MBD5: variants seen among roughly 807,000 people sequenced by gnomAD.
MBD5 encodes methyl-CpG binding domain protein 5, also known as methyl-CpG-binding domain protein 5.
Under a neutral mutation model 117.3 loss-of-function variants are expected in MBD5, and 13 were observed. That is an observed-to-expected ratio of 0.11 (90% confidence interval 0.07 to 0.18). MBD5 has a LOEUF of 0.18. Among genes scored for constraint, MBD5 ranks in the 10% least tolerant of loss-of-function variants. MBD5 has a pLI of 1.00. For missense variants in MBD5, 1,879 were observed against 2,093.8 expected (o/e 0.90, Z 2.00); for synonymous variants, 727 against 766.4 (o/e 0.95, Z 0.85).
intron 4 of MBD5, among the ~76,000 whole-genome samples, chr2:148,449,878 A>G (rs564590603): frequency 2.0e-5 from 3 of 152,092 alleles, no homozygotes; most frequent in Non-Finnish European, 4.4e-5. Flanking sequence ...TTCCGTGATT[A>G]TAGAGCTAAT....
At chr2:148,342,565 T>C (rs1298120512) in intron 4 of MBD5, among the ~76,000 whole-genome samples, 1 of 151,972 alleles carries the variant, frequency 6.6e-6, no homozygotes, top group Non-Finnish European at 1.5e-5. Flanking sequence ...AAAATATAGT[T>C]ATCCTACCAC....
intron 4 of MBD5, among the ~76,000 whole-genome samples, chr2:148,370,421 C>T (rs1409005607): frequency 1.3e-5 from 2 of 151,990 alleles, no homozygotes; most frequent in Non-Finnish European, 2.9e-5. Context: ...GATTTTTTGA[C>T]AATGAGAGTT....
chr2:148,315,412 T>A (rs1255578012), intron 3 of MBD5, among the ~76,000 whole-genome samples: 2 of 152,218 alleles, frequency 1.3e-5, no homozygotes, highest in Admixed American at 1.3e-4. Flanking sequence ...TTTGTTTTAA[T>A]ATAAAAATAA....
intron 3 of MBD5, among the ~76,000 whole-genome samples, chr2:148,297,811 C>T (rs540943099): frequency 7.0e-4 from 107 of 152,134 alleles, no homozygotes; most frequent in Middle Eastern, 3.4e-3. Context: ...CCTCCTTTTG[C>T]ATACCATCAG....
At chr2:148,449,130 T>A (rs143618656) in intron 4 of MBD5, among the ~76,000 whole-genome samples, 1 of 152,284 alleles carries the variant, frequency 6.6e-6, no homozygotes, top group East Asian at 1.9e-4. Flanking sequence ...CTTGAGTACA[T>A]TCCTAGGTGG....
intron 4 of MBD5, among the ~76,000 whole-genome samples, chr2:148,404,627 A>G (rs1705022799): frequency 6.6e-6 from 1 of 152,198 alleles, no homozygotes; most frequent in Non-Finnish European, 1.5e-5. Flanking sequence ...AACTCTCTCA[A>G]GACAATAAGC....
intron 4 of MBD5, among the ~76,000 whole-genome samples, chr2:148,419,749 T>C (rs555741431): frequency 6.6e-6 from 1 of 152,262 alleles, no homozygotes; most frequent in Non-Finnish European, 1.5e-5. Context: ...TTCTCATTGG[T>C]TCTCATAATT....
At chr2:148,509,983 G>A in intron 12 of MBD5, 77 bp from the exon 13 acceptor site, 2 of 1,203,786 alleles carry the variant, frequency 1.7e-6, no homozygotes, top group South Asian at 1.3e-5. Flanking sequence ...TGGTACTTTT[G>A]TTTTCTGATT....
chr2:148,371,531 A>T (rs1206097782), intron 4 of MBD5, among the ~76,000 whole-genome samples: 1 of 152,182 alleles, frequency 6.6e-6, no homozygotes, highest in African/African-American at 2.4e-5. Context: ...CTAGGAAACT[A>T]GGCTATAAAT....
At chr2:148,154,314 GA>G (rs1301225077) in intron 1 of MBD5, among the ~76,000 whole-genome samples, 1 of 151,968 alleles carries the variant, frequency 6.6e-6, no homozygotes, top group Non-Finnish European at 1.5e-5. Context: ...TGTGTGCTGG[GA>G]GAACCACTGC....
At chr2:148,186,184 A>T (rs1340859960) in intron 2 of MBD5, among the ~76,000 whole-genome samples, 1 of 152,192 alleles carries the variant, frequency 6.6e-6, no homozygotes, top group Non-Finnish European at 1.5e-5. Flanking sequence ...ATGAGAGGTA[A>T]TTGAATCATG....
At chr2:148,485,039 A>G (rs1574479237) in intron 9 of MBD5, 1 of 152,330 alleles carries the variant, frequency 6.6e-6, no homozygotes, top group East Asian at 1.9e-4. Context: ...GTTTCAAGTT[A>G]CAAGACAATT....
chr2:148,313,477 A>G (rs1036335676), intron 3 of MBD5, among the ~76,000 whole-genome samples: 2 of 151,828 alleles, frequency 1.3e-5, no homozygotes, highest in African/African-American at 4.8e-5. Context: ...CTACTCAAGC[A>G]GACGCACCTC....
chr2:148,325,797 C>T (rs537642394), intron 3 of MBD5, among the ~76,000 whole-genome samples: 48 of 152,136 alleles, frequency 3.2e-4, no homozygotes, highest in African/African-American at 1.1e-3. Context: ...CTCCTGGATT[C>T]GTTAATTTTT....
chr2:148,241,258 T>A (rs566720156), intron 3 of MBD5, among the ~76,000 whole-genome samples: 4 of 152,280 alleles, frequency 2.6e-5, no homozygotes, highest in African/African-American at 9.6e-5. Flanking sequence ...CTTGGTTTGA[T>A]GTTTTGTTAG....
chr2:148,216,440 CA>C (rs1315264719), intron 2 of MBD5, among the ~76,000 whole-genome samples: 3 of 152,010 alleles, frequency 2.0e-5, no homozygotes, highest in African/African-American at 4.8e-5. Context: ...TGTCTCAAGA[CA>C]AAAAACTTTT....
At chr2:148,233,781 G>A (rs1367065013) in intron 3 of MBD5, among the ~76,000 whole-genome samples, 1 of 152,046 alleles carries the variant, frequency 6.6e-6, no homozygotes, top group Non-Finnish European at 1.5e-5. Context: ...TTATTTTAGA[G>A]TTAGTCATAC....
chr2:148,091,809 C>T (rs903356270), intron 1 of MBD5, among the ~76,000 whole-genome samples: 25 of 152,010 alleles, frequency 1.6e-4, no homozygotes, highest in African/African-American at 4.3e-4. Context: ...CAAAGATAAA[C>T]GGATGGGACC....
chr2:148,204,247 C>T (rs984314285), intron 2 of MBD5, among the ~76,000 whole-genome samples: 3 of 151,258 alleles, frequency 2.0e-5, no homozygotes, highest in Non-Finnish European at 4.4e-5. Context: ...GGAAGGAGCA[C>T]AAGAAAGGCT....
Sources: allele counts gnomAD v4.1 joint callset (sites outside exome capture counted in the v4.1 genomes callset), GRCh38; gene constraint gnomAD v4.1.1; transcripts MANE v1.5; gene names NCBI Gene and HGNC (gene_info 2026-07-23, HGNC 2026-07-21).